The following LRBA variants were observed in gnomAD, a reference collection of about 807,000 sequenced individuals.
The protein encoded by LRBA is lipopolysaccharide-responsive and beige-like anchor protein.
In LRBA, 176 loss-of-function variants were observed where a neutral mutation model predicts 330.0. The ratio of observed to expected loss-of-function variants is 0.53; its 90% CI spans 0.47 to 0.60. The LOEUF (loss-of-function observed/expected upper bound fraction) is 0.60, where lower values mean the gene tolerates loss of function less well. Ranked by LOEUF, LRBA falls within the 20% of genes least tolerant of loss-of-function variation. The probability of loss-of-function intolerance (pLI) is 0.00; values close to 1 mark genes in which losing one functional copy is unlikely to be tolerated. For missense variants in LRBA, 3,259 were observed against 3,444.8 expected, an observed-to-expected ratio of 0.95 and a Z score of 1.35; for synonymous variants, 1,230 against 1,193.0, an observed-to-expected ratio of 1.03 and a Z score of -0.64.
Position 150,687,728 on chromosome 4 carries a change from A to G in LRBA, c.5755-4011T>C, listed in dbSNP as rs575622228. Among the ~76,000 whole-genome samples the G allele has an allele frequency of 7.9e-5, 12 of 152,296 alleles. No individual in the cohort carries two copies. In the East Asian group the frequency reaches 2.3e-3, roughly 29 times the overall value. The stretch of plus-strand genomic sequence containing the variant: ...TCTTTAAATGTAAATGAATAGAGAC[A>G]ATATTTAATTTTTCCTTCCAGATGT... On this transcript the variant is annotated intron_variant, in intron 36 of 56. Transcript: ENST00000651943.
At chr4:150,969,026 G>A (rs575879879) in intron 2 of LRBA, among the ~76,000 whole-genome samples, 11 of 152,298 alleles carry the variant, frequency 7.2e-5, no homozygotes, top group African/African-American at 2.6e-4. Context: ...TCTGTTCACA[G>A]CACAGTGTAC....
Position 150,916,479 on chromosome 4 carries a change from G to C in LRBA, c.816C>G (p.Gly272=). ...ACTTTATTGATGTTACAATCAAACA[G>C]CCTCCAACAAAATGAGCAGAATAGC... is the stretch of plus-strand genomic sequence containing the variant. The part of the protein sequence containing the change: ...GLGYSAHFVG[G]CLIVTSIKSK... The change falls in exon 7 of 57, where the codon GGC becomes GGG. Residue 272 remains glycine (G), a synonymous_variant. Transcript: ENST00000651943. 1 of 1,613,722 alleles carries C rather than the reference G, an allele frequency of 6.2e-7. No homozygotes were observed. The highest frequency in any genetic ancestry group is 2.2e-5 in the East Asian group (1 of 44,784).
intron 47 of LRBA, among the ~76,000 whole-genome samples, chr4:150,414,725 A>C (rs1261863210): frequency 6.6e-6 from 1 of 152,152 alleles, no homozygotes; most frequent in Non-Finnish European, 1.5e-5. Context: ...TCCTGACCTC[A>C]GGTAATCCAC....
intron 36 of LRBA, among the ~76,000 whole-genome samples, chr4:150,719,097 T>C (rs1321531683): frequency 6.6e-6 from 1 of 152,172 alleles, no homozygotes; most frequent in African/African-American, 2.4e-5. Context: ...TAGCTACTGT[T>C]GGCACCATCA....
At chr4:150,423,153 C>T (rs1749053035) in intron 46 of LRBA, 2 of 1,142,654 alleles carry the variant, frequency 1.8e-6, no homozygotes, top group South Asian at 2.5e-5. Flanking sequence ...ACAGGACCAA[C>T]CTCGGGGCAG....
intron 47 of LRBA, among the ~76,000 whole-genome samples, chr4:150,379,422 G>GA (rs1038832177): frequency 2.0e-5 from 3 of 148,784 alleles, no homozygotes; most frequent in Non-Finnish European, 3.0e-5. Context: ...GTTTGTATTA[G>GA]AAAAAAAAGA....
Position 150,541,501 on chromosome 4 carries a change from C to T in LRBA, c.6330+46547G>A, listed in dbSNP as rs1444163947. Among the ~76,000 whole-genome samples, 6 of 152,060 alleles carry T rather than the reference C, an allele frequency of 3.9e-5. No individual in the cohort carries two copies. The South Asian group carries it at 1.0e-3, about 26-fold the overall frequency. ...ATATATAACAGTTCTTAAGAACATGCCAAATATAGACATTTCTCCTCTTTG... is the reference window on the plus strand; with the variant it reads ...ATATATAACAGTTCTTAAGAACATGTCAAATATAGACATTTCTCCTCTTTG... On this transcript the variant is annotated intron_variant, in intron 40 of 56. Coordinates refer to ENST00000651943, the MANE Select transcript of LRBA (RefSeq NM_001364905.1).
intron 2 of LRBA, among the ~76,000 whole-genome samples, chr4:150,968,524 C>T (rs1018680267): frequency 6.6e-6 from 1 of 152,156 alleles, no homozygotes; most frequent in Non-Finnish European, 1.5e-5. Context: ...ACAACGTTCC[C>T]TTAGGCCAAA....
intron 37 of LRBA, among the ~76,000 whole-genome samples, chr4:150,666,688 T>C (rs1295435562): frequency 6.6e-6 from 1 of 152,172 alleles, no homozygotes; most frequent in African/African-American, 2.4e-5. Flanking sequence ...CTGTGGATTT[T>C]GGTATTCATG....
intron 36 of LRBA, among the ~76,000 whole-genome samples, chr4:150,685,404 ATATATATATATATATATTTTTTTTTTT>A (rs1468876320): frequency 6.9e-5 from 1 of 14,550 alleles, no homozygotes; most frequent in Non-Finnish European, 1.3e-4. Context: ...ATATATATAT[ATATATATATATATATATTTTTTTTTTT>A]TTTTTTTTTT....
chr4:150,502,638 C>T (rs1017369259), intron 40 of LRBA, among the ~76,000 whole-genome samples: 9 of 152,210 alleles, frequency 5.9e-5, no homozygotes, highest in East Asian at 1.9e-4. Flanking sequence ...ACACAGAAGA[C>T]GGGTGATTTC....
chr4:150,554,920 T>C (rs868434976), intron 40 of LRBA, among the ~76,000 whole-genome samples: 20 of 152,244 alleles, frequency 1.3e-4, no homozygotes, highest in Middle Eastern at 6.8e-3. Context: ...AATAGTTACA[T>C]ATTCATTCAT....
intron 2 of LRBA, among the ~76,000 whole-genome samples, chr4:150,949,770 T>C (rs1026316119): frequency 3.0e-5 from 4 of 134,908 alleles, no homozygotes; most frequent in African/African-American, 1.1e-4. Context: ...AGGAAACTCG[T>C]AAGTTCAAAT....
intron 46 of LRBA, among the ~76,000 whole-genome samples, chr4:150,418,019 G>GTTT (rs201449584): frequency 1.5e-5 from 2 of 132,338 alleles, no homozygotes; most frequent in African/African-American, 2.8e-5. Context: ...TTGGTTTTTT[G>GTTT]TTTTTTTTTT....
At chr4:150,805,448 G>A (rs1041391215) in intron 33 of LRBA, among the ~76,000 whole-genome samples, 1 of 67,934 alleles carries the variant, frequency 1.5e-5, no homozygotes, top group African/African-American at 1.1e-4. Flanking sequence ...GAAGGAAAGG[G>A]AAAGGAAAGG....
At chr4:150,953,198 C>T (rs72721705) in intron 2 of LRBA, among the ~76,000 whole-genome samples, 14,349 of 152,110 alleles carry the variant, frequency 0.094, 888 homozygotes, top group Non-Finnish European at 0.14. Context: ...AATAATAGAA[C>T]AACTCAGCAG....
At chr4:150,652,297 C>T (rs1779781977) in intron 37 of LRBA, among the ~76,000 whole-genome samples, 1 of 152,104 alleles carries the variant, frequency 6.6e-6, no homozygotes, top group African/African-American at 2.4e-5. Flanking sequence ...ATCCAAGGTC[C>T]ATAAAATGTG....
At position 150,489,920 on chromosome 4, in the gene LRBA, C is replaced by T. The variant is rs913761867; in HGVS notation, c.6448+998G>A. Among the ~76,000 whole-genome samples the T allele has an allele frequency of 3.3e-5, 5 of 150,306 alleles. No homozygotes were observed. The South Asian group carries it at 1.0e-3, about 31-fold the overall frequency. ...CCACGAGGCAAAGGCAACAGAAAAA[C>T]ACACATATAAAAACAAGCATGCATA... On this transcript the variant is annotated intron_variant, in intron 41 of 56. Coordinates refer to ENST00000651943, the MANE Select transcript of LRBA (RefSeq NM_001364905.1).
In LRBA at chr4:150,850,901, A is replaced by T; in HGVS notation, c.3827T>A (p.Ile1276Lys). The change falls in exon 24 of 57, where the codon ATA becomes AAA. Residue 1276 changes from isoleucine to lysine, a missense_variant and splice_region_variant. Ile to Lys is a moderately radical substitution (Grantham distance 102). Coordinates refer to ENST00000651943, the MANE Select transcript of LRBA (RefSeq NM_001364905.1). ...CCCTGGCTGCTCATGTTGCCTTGAT[A>T]TCTAATACAGAAATTTAAAAAGTAA... ...APQPHRHVLE[I>K]SRQHEQPGQG... 6.3e-7 allele frequency: 1 copy of T among 1,599,178 alleles called. No homozygotes were observed. Among genetic ancestry groups the T allele is most frequent in the East Asian group, 2.2e-5 (1 of 44,586 alleles).
Sources: allele counts gnomAD v4.1 joint callset (sites outside exome capture counted in the v4.1 genomes callset), GRCh38; gene constraint gnomAD v4.1.1; transcripts MANE v1.5; gene names NCBI Gene and HGNC (gene_info 2026-07-23, HGNC 2026-07-21).